XKR6: variants seen among roughly 807,000 people sequenced by gnomAD.
XKR6 encodes the protein XK-related protein 6.
A neutral mutation model predicts 56.7 loss-of-function variants in XKR6; 22 were observed. The ratio of observed to expected loss-of-function variants is 0.39; its 90% CI spans 0.28 to 0.55. The LOEUF is 0.55. XKR6 is among the 20% of genes least tolerant of loss of function. The probability of loss-of-function intolerance (pLI) is 0.66; values close to 1 mark genes in which losing one functional copy is unlikely to be tolerated. For missense variants in XKR6, 852 were observed against 889.0 expected, an observed-to-expected ratio of 0.96 and a Z score of 0.53; for synonymous variants, 524 against 387.8, an observed-to-expected ratio of 1.35 and a Z score of -4.13.
intron 1 of XKR6, among the ~76,000 whole-genome samples, chr8:11,052,350 G>T (rs539128354): frequency 6.6e-6 from 1 of 152,194 alleles, no homozygotes; most frequent in Non-Finnish European, 1.5e-5. Context: ...TTGTTTCCCA[G>T]AGCACTTGTC....
chr8:10,998,266 TAC>T (rs572940448), intron 1 of XKR6, among the ~76,000 whole-genome samples: 2 of 150,684 alleles, frequency 1.3e-5, no homozygotes, highest in Non-Finnish European at 1.5e-5. Flanking sequence ...AAGGAGTGGC[TAC>T]ACACACACAC....
intron 1 of XKR6, among the ~76,000 whole-genome samples, chr8:10,928,056 G>C (rs1369343407): frequency 6.6e-6 from 1 of 152,156 alleles, no homozygotes. Context: ...AAGTCCTTGG[G>C]TCCACAGTAC....
intron 1 of XKR6, among the ~76,000 whole-genome samples, chr8:11,092,688 T>A (rs1798116011): frequency 6.6e-6 from 1 of 152,252 alleles, no homozygotes; most frequent in African/African-American, 2.4e-5. Flanking sequence ...CTCTTCCCCC[T>A]GGATGATGAT....
chr8:11,022,613 C>G (rs558626974), intron 1 of XKR6, among the ~76,000 whole-genome samples: 1 of 152,274 alleles, frequency 6.6e-6, no homozygotes, highest in South Asian at 2.1e-4. Context: ...TGCGCTTCCT[C>G]CAGTGTCATC....
chr8:11,091,428 C>A (rs1211080574), intron 1 of XKR6, among the ~76,000 whole-genome samples: 8 of 106,102 alleles, frequency 7.5e-5, no homozygotes, highest in African/African-American at 7.9e-5. Context: ...CAGAATGAGA[C>A]CCTGACTCAA....
intron 1 of XKR6, among the ~76,000 whole-genome samples, chr8:11,048,049 C>T (rs1799452268): frequency 1.3e-5 from 2 of 152,140 alleles, no homozygotes; most frequent in South Asian, 2.1e-4. Flanking sequence ...AATAGCTCCA[C>T]CTCTTTAGCA....
chr8:10,905,088 G>A (rs745787093), intron 2 of XKR6, among the ~76,000 whole-genome samples: 6 of 152,118 alleles, frequency 3.9e-5, no homozygotes, highest in Non-Finnish European at 8.8e-5. Flanking sequence ...CCCATCAGCG[G>A]GTAGCCAGGG....
At chr8:11,114,058 A>C (rs1364869111) in intron 1 of XKR6, 1 of 441,134 alleles carries the variant, frequency 2.3e-6, no homozygotes, top group Admixed American at 2.6e-5. Context: ...AAACAACCTC[A>C]TTTCAGGCTG....
intron 1 of XKR6, among the ~76,000 whole-genome samples, chr8:11,102,959 G>C (rs905961157): frequency 5.3e-5 from 8 of 152,190 alleles, no homozygotes; most frequent in Non-Finnish European, 8.8e-5. Context: ...TGGAGGCAAA[G>C]ACCAGGCACA....
intron 1 of XKR6, among the ~76,000 whole-genome samples, chr8:10,959,859 G>T (rs1390107980): frequency 3.9e-5 from 6 of 152,198 alleles, no homozygotes; most frequent in African/African-American, 1.4e-4. Flanking sequence ...AGGAGTCTGA[G>T]AATGGGTGGG....
At chr8:11,195,827 AT>A (rs1462081820) in intron 1 of XKR6, among the ~76,000 whole-genome samples, 20 of 149,686 alleles carry the variant, frequency 1.3e-4, no homozygotes, top group African/African-American at 4.2e-4. Flanking sequence ...TTTTTTTTGT[AT>A]TTTTTAGTAG....
At chr8:11,197,299 T>C (rs923778180) in intron 1 of XKR6, among the ~76,000 whole-genome samples, 3 of 152,186 alleles carry the variant, frequency 2.0e-5, no homozygotes, top group African/African-American at 7.2e-5. Context: ...CAAAGAACTG[T>C]TGCTTCTTGA....
intron 1 of XKR6, among the ~76,000 whole-genome samples, chr8:10,984,722 C>CTATATATA (rs1353804781): frequency 1.4e-4 from 11 of 79,220 alleles, no homozygotes; most frequent in African/African-American, 5.7e-4. Flanking sequence ...CTCTCTCTCT[C>CTATATATA]TCTCTCTCTC....
chr8:11,022,420 C>G (rs79535018), intron 1 of XKR6, among the ~76,000 whole-genome samples: 1 of 152,212 alleles, frequency 6.6e-6, no homozygotes, highest in Non-Finnish European at 1.5e-5. Flanking sequence ...CAAACATGTC[C>G]AAGCAGTCCC....
intron 1 of XKR6, among the ~76,000 whole-genome samples, chr8:11,120,187 G>A (rs936336771): frequency 2.6e-5 from 4 of 152,308 alleles, no homozygotes; most frequent in Non-Finnish European, 4.4e-5. Context: ...TCTGGCCAGG[G>A]CAATCAGGCA....
intron 1 of XKR6, among the ~76,000 whole-genome samples, chr8:11,164,777 T>TTTG (rs1801988114): frequency 6.6e-6 from 1 of 152,214 alleles, no homozygotes. Flanking sequence ...TCAATATCCA[T>TTTG]TTGTCACATG....
At position 11,115,559 on chromosome 8, in the gene XKR6, C is replaced by T. The variant is rs1466999881; in HGVS notation, c.764+85017G>A. On this transcript the variant is annotated intron_variant, in intron 1 of 2. Transcript: ENST00000416569. ...CACATATAGTCTACACTAACATTAT[C>T]GTTCAATGTTTTGCATTTCTCTGCT... Among the ~76,000 whole-genome samples the T allele has an allele frequency of 4.6e-5, 7 of 152,170 alleles. No homozygotes were observed. The South Asian group carries it at 6.2e-4, about 14-fold the overall frequency.
chr8:11,165,090 C>CCTTT (rs762270947), intron 1 of XKR6, among the ~76,000 whole-genome samples: 1 of 82,472 alleles, frequency 1.2e-5, no homozygotes, highest in African/African-American at 5.2e-5. Context: ...AGGCTATCAC[C>CCTTT]TTTTTTTTTT....
intron 1 of XKR6, among the ~76,000 whole-genome samples, chr8:11,147,607 G>T (rs763908167): frequency 6.7e-6 from 1 of 148,284 alleles, no homozygotes; most frequent in African/African-American, 2.5e-5. Flanking sequence ...AGTGAGCCAA[G>T]ATCGTGCCAC....
Sources: gnomAD v4.1 joint callset for allele counts (sites outside exome capture counted in the v4.1 genomes callset) on GRCh38, gnomAD v4.1.1 for gene constraint, MANE v1.5 for transcripts, NCBI Gene and HGNC (gene_info 2026-07-23, HGNC 2026-07-21) for gene names.